The following UXS1 variants were observed in gnomAD, a reference collection of about 807,000 sequenced individuals.
UXS1 encodes the protein UDP-glucuronic acid decarboxylase 1.
Under a neutral mutation model 62.6 loss-of-function variants are expected in UXS1, and 33 were observed. The observed-to-expected ratio is 0.53, with a 90% confidence interval of 0.40 to 0.70. UXS1 has a LOEUF of 0.70. Ranked by LOEUF, UXS1 falls within the 30% of genes least tolerant of loss-of-function variation. The pLI is 0.00. For synonymous variants in UXS1, 213 were observed against 206.8 expected, an observed-to-expected ratio of 1.03 and a Z score of -0.26; for missense variants, 434 against 556.3, an observed-to-expected ratio of 0.78 and a Z score of 2.21.
rs781762155 is a variant in UXS1 at position 106,123,111 on chromosome 2, A to C, written c.638-20T>G. The C allele has an allele frequency of 6.2e-7, 1 of 1,613,182 alleles. No homozygotes were observed. Among genetic ancestry groups the C allele is most frequent in the South Asian group, 1.1e-5 (1 of 91,024 alleles). ...CAGGATCTACGATGGGAGAAAAGTG[A>C]GACTGTTTTCATCTTTCCTTTTTCC... On this transcript the variant is annotated intron_variant, in intron 8 of 14. Coordinates refer to ENST00000283148, the MANE Select transcript of UXS1 (RefSeq NM_001253875.2).
At chr2:106,121,618 A>G (rs1679529103) in intron 9 of UXS1, among the ~76,000 whole-genome samples, 1 of 152,210 alleles carries the variant, frequency 6.6e-6, no homozygotes, top group Non-Finnish European at 1.5e-5. Flanking sequence ...CTGGGCCCCA[A>G]AATGATGAAA....
intron 2 of UXS1, 35 bp from the exon 3 acceptor site, chr2:106,164,834 C>CT: frequency 2.0e-6 from 3 of 1,494,510 alleles, no homozygotes; most frequent in Non-Finnish European, 1.8e-6. Context: ...GGCTTTGTGA[C>CT]TTTAAGACTG....
chr2:106,148,242 G>A (rs1046080138), intron 5 of UXS1, among the ~76,000 whole-genome samples: 1 of 152,156 alleles, frequency 6.6e-6, no homozygotes, highest in South Asian at 2.1e-4. Context: ...CGATTTTCCA[G>A]AAAAATAATT....
At chr2:106,164,504 A>T in intron 3 of UXS1, among the ~76,000 whole-genome samples, 1 of 152,310 alleles carries the variant, frequency 6.6e-6, no homozygotes, top group East Asian at 1.9e-4. Context: ...AAAGTCATGT[A>T]AAAGTCTAAA....
At chr2:106,160,752 C>T (rs550154792) in intron 4 of UXS1, 5 of 152,160 alleles carry the variant, frequency 3.3e-5, no homozygotes, top group East Asian at 1.9e-4. Flanking sequence ...CATGGTTGCC[C>T]GACATACGCA....
Position 106,157,977 on chromosome 2 carries a change from T to C in UXS1, c.291+81A>G, listed in dbSNP as rs1682576944. 5 of 1,227,528 alleles carry C rather than the reference T, an allele frequency of 4.1e-6. No individual in the cohort carries two copies. In the Middle Eastern group the frequency reaches 7.4e-4, roughly 181 times the overall value. The allele number at this position is 1,227,528 out of a possible 1,614,324, so 76.0% of individuals were successfully genotyped here. On this transcript the variant is annotated intron_variant, in intron 5 of 14. Coordinates refer to ENST00000283148, the MANE Select transcript of UXS1 (RefSeq NM_001253875.2). ...GAATCGTATCTTTGAGAAGCGTGAA[T>C]TCTATGATATGTGAATTATCTCTCA...
intron 14 of UXS1, among the ~76,000 whole-genome samples, chr2:106,096,323 AGTGT>A (rs146497283): frequency 3.5e-4 from 53 of 152,120 alleles, no homozygotes; most frequent in South Asian, 6.2e-4. Flanking sequence ...TGTGAAAATG[AGTGT>A]GTGTGAGTAT....
At chr2:106,176,291 A>C (rs1410402994) in intron 1 of UXS1, among the ~76,000 whole-genome samples, 1 of 152,250 alleles carries the variant, frequency 6.6e-6, no homozygotes, top group East Asian at 1.9e-4. Flanking sequence ...GAAAAGGGCA[A>C]ATCTTCGACT....
intron 1 of UXS1, among the ~76,000 whole-genome samples, chr2:106,181,118 T>C (rs949503092): frequency 6.6e-6 from 1 of 152,154 alleles, no homozygotes; most frequent in African/African-American, 2.4e-5. Flanking sequence ...CATGGGGGCA[T>C]CCCACAGGGT....
intron 14 of UXS1, among the ~76,000 whole-genome samples, 177 bp from the exon 15 acceptor site, chr2:106,094,334 C>T (rs115510704): frequency 6.6e-6 from 1 of 150,480 alleles, no homozygotes; most frequent in Non-Finnish European, 1.5e-5. Flanking sequence ...CACGGCCCAC[C>T]GAGAGAAGCC....
intron 9 of UXS1, among the ~76,000 whole-genome samples, chr2:106,117,526 G>T (rs971864845): frequency 7.0e-6 from 1 of 142,786 alleles, no homozygotes; most frequent in Non-Finnish European, 1.5e-5. Flanking sequence ...TCAAGCCACC[G>T]AACACTGTAA....
intron 9 of UXS1, among the ~76,000 whole-genome samples, chr2:106,115,990 C>T (rs28442257): frequency 2.1e-4 from 32 of 152,272 alleles, no homozygotes; most frequent in Middle Eastern, 3.4e-3. Context: ...TTTGGAAACA[C>T]GAACTAGGCT....
At chr2:106,149,789 T>C (rs1681866592) in intron 5 of UXS1, among the ~76,000 whole-genome samples, 1 of 152,178 alleles carries the variant, frequency 6.6e-6, no homozygotes. Flanking sequence ...GCTGGAAGAA[T>C]CTGGAGGTGC....
intron 14 of UXS1, among the ~76,000 whole-genome samples, chr2:106,096,280 G>C (rs1229360819): frequency 6.6e-6 from 1 of 152,162 alleles, no homozygotes; most frequent in Non-Finnish European, 1.5e-5. Flanking sequence ...GTGAATGTGA[G>C]AATGTGTATG....
intron 1 of UXS1, among the ~76,000 whole-genome samples, chr2:106,175,766 T>G (rs1683839099): frequency 1.3e-5 from 2 of 152,186 alleles, no homozygotes; most frequent in Admixed American, 1.3e-4. Flanking sequence ...GTGGATGCTC[T>G]AACCTGGGTG....
chr2:106,146,496 T>A (rs955807617), intron 5 of UXS1, among the ~76,000 whole-genome samples: 1 of 152,132 alleles, frequency 6.6e-6, no homozygotes, highest in African/African-American at 2.4e-5. Context: ...CCACCTGGAT[T>A]TGAGTGGAGT....
In UXS1 at chr2:106,143,512, C is replaced by T. The variant is rs570731074; in HGVS notation, c.472+1678G>A. Among the ~76,000 whole-genome samples, 13 of 145,548 alleles carry T rather than the reference C, an allele frequency of 8.9e-5. No homozygotes were observed. The South Asian group carries it at 3.0e-3, about 34-fold the overall frequency. On this transcript the variant is annotated intron_variant, in intron 6 of 14. Coordinates refer to ENST00000283148, the MANE Select transcript of UXS1 (RefSeq NM_001253875.2). ...AAGTCCTCACAGTAGTTTTCTATTG[C>T]TGCCTAATCAAATTTAGAGGCTCAA... is the stretch of plus-strand genomic sequence containing the variant.
chr2:106,167,706 T>C (rs944965012), intron 1 of UXS1, among the ~76,000 whole-genome samples: 1 of 152,168 alleles, frequency 6.6e-6, no homozygotes, highest in African/African-American at 2.4e-5. Context: ...AGATTCATTA[T>C]TCATTAAAAA....
intron 9 of UXS1, among the ~76,000 whole-genome samples, chr2:106,113,234 C>G (rs575712499): frequency 6.6e-6 from 1 of 152,258 alleles, no homozygotes; most frequent in Non-Finnish European, 1.5e-5. Context: ...AGCTCTCTAT[C>G]TTAGGAAAAG....
Sources: gnomAD v4.1 joint callset for allele counts (sites outside exome capture counted in the v4.1 genomes callset) on GRCh38, gnomAD v4.1.1 for gene constraint, MANE v1.5 for transcripts, NCBI Gene and HGNC (gene_info 2026-07-23, HGNC 2026-07-21) for gene names.